ANKAR: variants seen among roughly 807,000 people sequenced by gnomAD.
ANKAR encodes the protein ankyrin and armadillo repeat-containing protein.
ANKAR carries 136 observed loss-of-function variants against 146.2 expected under a neutral mutation model. The ratio of observed to expected loss-of-function variants is 0.93; its 90% confidence interval spans 0.81 to 1.07. The LOEUF (loss-of-function observed/expected upper bound fraction) is 1.07, where lower values mean the gene tolerates loss of function less well. Among genes scored for constraint, ANKAR ranks in the 50% least tolerant of loss-of-function variants. The pLI is 0.00. For missense variants in ANKAR, 1,567 were observed against 1,679.9 expected (o/e 0.93, Z 1.18); for synonymous variants, 500 against 575.8 (o/e 0.87, Z 1.88).
At chr2:189,675,494 A>T (rs911800929) in intron 1 of ANKAR, among the ~76,000 whole-genome samples, 1 of 151,902 alleles carries the variant, frequency 6.6e-6, no homozygotes, top group South Asian at 2.1e-4. Context: ...GATTACAGGC[A>T]TGTACGACCA....
intron 7 of ANKAR, among the ~76,000 whole-genome samples, chr2:189,704,208 C>G (rs553490830): frequency 5.3e-5 from 8 of 150,150 alleles, no homozygotes; most frequent in African/African-American, 1.7e-4. Context: ...GTGGCATGAT[C>G]TCTGCTCACT....
In ANKAR at chr2:189,741,344, A is replaced by T. The variant is rs774235471; in HGVS notation, c.3703A>T (p.Asn1235Tyr). The change falls in exon 20 of 23, where the codon AAT becomes TAT. Residue 1235 changes from asparagine to tyrosine, a missense_variant and splice_region_variant. Physicochemically the swap from Asn to Tyr is moderately radical, Grantham distance 143 (BLOSUM62 -2). Coordinates refer to ENST00000684021, the MANE Select transcript of ANKAR (RefSeq NM_001378068.1). ...CATTTTTCTTGTTTAATTTATAGGGAATTTAATAGCAAGCCTGGCTCATTC... is the reference window on the plus strand; with the variant it reads ...CATTTTTCTTGTTTAATTTATAGGGTATTTAATAGCAAGCCTGGCTCATTC... Reference protein sequence around the residue: ...VQTSTIVLTGNLIASLAHSRA... With the variant: ...VQTSTIVLTGYLIASLAHSRA... 1 of 1,590,634 alleles carries T rather than the reference A, an allele frequency of 6.3e-7. No homozygotes were observed. Among genetic ancestry groups the T allele is most frequent in the Non-Finnish European group, 8.5e-7 (1 of 1,170,936 alleles).
Position 189,754,310 on chromosome 2 carries a change from C to G in ANKAR, c.*585-6788C>G, listed in dbSNP as rs1328813436. The G allele has an allele frequency of 4.3e-6, 7 of 1,611,040 alleles. No individual in the cohort carries two copies. In the African/African-American group the frequency reaches 9.4e-5, roughly 22 times the overall value. ...CTTTCCCACCACTCATGGTGGAGCA[C>G]TCTGGATGTTTTATTAAAGAAAGTC... is the stretch of plus-strand genomic sequence containing the variant. On this transcript the variant is annotated intron_variant and NMD_transcript_variant, in intron 18 of 18. Transcript: ENST00000441800.
At chr2:189,755,826 CT>C (rs1459265983) in intron 18 of ANKAR, among the ~76,000 whole-genome samples, 1 of 152,116 alleles carries the variant, frequency 6.6e-6, no homozygotes, top group African/African-American at 2.4e-5. Context: ...CCAAAATAAT[CT>C]TGTAAAGCAT....
intron 13 of ANKAR, 21 bp downstream of exon 13, chr2:189,728,118 G>C: frequency 6.4e-7 from 1 of 1,573,782 alleles, no homozygotes; most frequent in Non-Finnish European, 8.6e-7. Context: ...TATGATTACT[G>C]GTCATTTTTC....
intron 12 of ANKAR, among the ~76,000 whole-genome samples, chr2:189,721,384 A>G (rs926370198): frequency 6.6e-6 from 1 of 152,222 alleles, no homozygotes; most frequent in African/African-American, 2.4e-5. Flanking sequence ...ATCAATGGAA[A>G]TATTGGCATG....
chr2:189,712,387 C>T (rs960577221), intron 10 of ANKAR, among the ~76,000 whole-genome samples: 11 of 151,994 alleles, frequency 7.2e-5, no homozygotes, highest in African/African-American at 1.9e-4. Flanking sequence ...CCCTCTGGGA[C>T]GAAGCTTCCA....
intron 2 of ANKAR, among the ~76,000 whole-genome samples, chr2:189,686,654 C>T (rs78488562): frequency 7.2e-5 from 11 of 152,186 alleles, no homozygotes; most frequent in Admixed American, 5.9e-4. Flanking sequence ...AGAAAAATCA[C>T]GTTTTCTTGT....
chr2:189,716,864 T>G (rs1341445174), intron 10 of ANKAR, among the ~76,000 whole-genome samples: 1 of 152,070 alleles, frequency 6.6e-6, no homozygotes, highest in East Asian at 1.9e-4. Flanking sequence ...TAATAAATGG[T>G]GCTGGGAAAA....
intron 12 of ANKAR, among the ~76,000 whole-genome samples, chr2:189,726,733 G>T (rs1242561291): frequency 6.6e-6 from 1 of 152,118 alleles, no homozygotes; most frequent in Admixed American, 6.6e-5. Flanking sequence ...TATGATTAAA[G>T]TATTGCATCT....
intron 7 of ANKAR, among the ~76,000 whole-genome samples, chr2:189,703,580 A>C (rs149575001): frequency 2.6e-4 from 39 of 152,314 alleles, no homozygotes; most frequent in African/African-American, 9.4e-4. Context: ...AAAGATATAG[A>C]TCTGCAAATC....
downstream of ANKAR, chr2:189,762,876 G>T (rs2047335171): frequency 1.0e-6 from 1 of 985,324 alleles, no homozygotes; most frequent in African/African-American, 1.7e-5. Context: ...AAAGCTTAAA[G>T]GCCGTCTTTG....
intron 18 of ANKAR, among the ~76,000 whole-genome samples, chr2:189,758,645 C>T (rs2046463478): frequency 6.6e-6 from 1 of 152,230 alleles, no homozygotes; most frequent in Non-Finnish European, 1.5e-5. Context: ...TTCTTTCCAT[C>T]TCCATTCACT....
chr2:189,677,212 A>C, intron 2 of ANKAR, 121 bp downstream of exon 2: 2 of 957,844 alleles, frequency 2.1e-6, no homozygotes, highest in Admixed American at 3.2e-5. Context: ...AGGCCTCCCA[A>C]AGTGCTAGGA....
intron 2 of ANKAR, among the ~76,000 whole-genome samples, chr2:189,684,978 C>T (rs1200431352): frequency 2.0e-5 from 3 of 151,852 alleles, no homozygotes; most frequent in Non-Finnish European, 4.4e-5. Context: ...TTCCTTCCAG[C>T]TAATTTACAT....
chr2:189,690,725 G>T (rs1273451983), intron 3 of ANKAR, among the ~76,000 whole-genome samples: 1 of 152,174 alleles, frequency 6.6e-6, no homozygotes, highest in African/African-American at 2.4e-5. Flanking sequence ...TGTATCATGA[G>T]AATTCAGTAT....
chr2:189,695,040 G>C lies in ANKAR; in HGVS notation c.1367G>C (p.Trp456Ser), dbSNP rs530882331. 99 of 1,611,514 alleles carry C rather than the reference G, an allele frequency of 6.1e-5. No individual in the cohort carries two copies. Among genetic ancestry groups the C allele is most frequent in the Middle Eastern group, 1.7e-4 (1 of 6,042 alleles). ...TATCAGCAACTATATAAGACACAGT[G>C]GTGGGGAGCCATAAATGAAATAGTG... ...TFYQQLYKTQWWGAINEIVNN... is the reference protein window; with the variant it reads ...TFYQQLYKTQSWGAINEIVNN... Residue 456 changes from tryptophan (W) to serine (S), a missense_variant, in exon 6 of 23, where the codon TGG (tryptophan) becomes TCG (serine). Coordinates refer to ENST00000684021, the MANE Select transcript of ANKAR (RefSeq NM_001378068.1).
At chr2:189,688,783 G>A (rs2105790863) in intron 2 of ANKAR, among the ~76,000 whole-genome samples, 1 of 152,288 alleles carries the variant, frequency 6.6e-6, no homozygotes, top group Non-Finnish European at 1.5e-5. Flanking sequence ...ACATATAAAT[G>A]CATTACAATT....
At chr2:189,758,864 G>A (rs1348458858) in intron 18 of ANKAR, among the ~76,000 whole-genome samples, 1 of 152,188 alleles carries the variant, frequency 6.6e-6, no homozygotes, top group Non-Finnish European at 1.5e-5. Flanking sequence ...AGAATAAATA[G>A]GATGGGAGTA....
Sources: gnomAD v4.1 joint callset for allele counts (sites outside exome capture counted in the v4.1 genomes callset) on GRCh38, gnomAD v4.1.1 for gene constraint, MANE v1.5 for transcripts, NCBI Gene and HGNC (gene_info 2026-07-23, HGNC 2026-07-21) for gene names.